DIP2C: variants seen among roughly 807,000 people sequenced by gnomAD.
The protein encoded by DIP2C is disco-interacting protein 2 homolog C.
DIP2C carries 33 observed loss-of-function variants against 192.4 expected under a neutral mutation model. That is an observed-to-expected ratio of 0.17 (90% CI 0.13 to 0.23). The LOEUF (loss-of-function observed/expected upper bound fraction) is 0.23. Ranked by LOEUF, DIP2C falls within the 10% of genes least tolerant of loss-of-function variation. DIP2C has a pLI of 1.00. For missense variants in DIP2C, 1,537 were observed against 2,110.1 expected (o/e 0.73, Z 5.32); for synonymous variants, 979 against 864.1 (o/e 1.13, Z -2.33).
In DIP2C at chr10:276,991, G is replaced by T; in HGVS notation, c.*334C>A. ...AGGATATTTTTTTAATTGCTATTTC[G>T]GCTTAACAAAATACCACATTTACGA... On this transcript the variant is annotated 3_prime_UTR_variant, in exon 37 of 37. Transcript: ENST00000280886. The T allele has an allele frequency of 4.5e-6, 1 of 224,066 alleles. No individual in the cohort carries two copies. The allele number at this position is 224,066 out of a possible 1,614,324, so 13.9% of individuals were successfully genotyped here.
At chr10:535,955 C>A (rs965684150) in intron 1 of DIP2C, among the ~76,000 whole-genome samples, 1 of 152,210 alleles carries the variant, frequency 6.6e-6, no homozygotes, top group African/African-American at 2.4e-5. Context: ...CGTAAGCTTC[C>A]ATCCTGAGGC....
At chr10:410,293 G>T (rs527690751) in intron 8 of DIP2C, among the ~76,000 whole-genome samples, 1 of 152,158 alleles carries the variant, frequency 6.6e-6, no homozygotes, top group Admixed American at 6.5e-5. Context: ...TACTGATGTC[G>T]CAGGCAAGCT....
At chr10:380,159 GC>G (rs1962217723) in intron 17 of DIP2C, among the ~76,000 whole-genome samples, 1 of 127,356 alleles carries the variant, frequency 7.9e-6, no homozygotes, top group Admixed American at 7.9e-5. Context: ...GATGGTTAAC[GC>G]ACAGAAGAGG....
chr10:619,541 G>GCCCACCCGCCCACCCGCCCACCCTCCCA, intron 1 of DIP2C, among the ~76,000 whole-genome samples: 2 of 67,962 alleles, frequency 2.9e-5, no homozygotes, highest in African/African-American at 6.9e-5. Context: ...CCGCCCGCCC[G>GCCCACCCGCCCACCCGCCCACCCTCCCA]CCCTCCCACC....
chr10:518,979 T>C (rs918334456), intron 1 of DIP2C, among the ~76,000 whole-genome samples: 4 of 152,244 alleles, frequency 2.6e-5, no homozygotes, highest in African/African-American at 7.2e-5. Flanking sequence ...GCTCTGCATC[T>C]GCACTGGGTC....
intron 8 of DIP2C, among the ~76,000 whole-genome samples, chr10:412,843 G>C (rs1007105261): frequency 3.9e-5 from 6 of 152,198 alleles, no homozygotes; most frequent in African/African-American, 1.4e-4. Context: ...ACAACAGGCG[G>C]AACTATGTAC....
At chr10:373,940 G>A (rs537277087) in intron 17 of DIP2C, among the ~76,000 whole-genome samples, 12 of 152,166 alleles carry the variant, frequency 7.9e-5, no homozygotes, top group Non-Finnish European at 1.5e-4. Context: ...CTCCATACTC[G>A]CAATAGCCCC....
intron 28 of DIP2C, among the ~76,000 whole-genome samples, chr10:341,964 C>T (rs752621348): frequency 6.6e-6 from 1 of 152,158 alleles, no homozygotes; most frequent in African/African-American, 2.4e-5. Flanking sequence ...TTAGGACTGG[C>T]GACAACTGTC....
chr10:576,680 G>A (rs982574499), intron 1 of DIP2C, among the ~76,000 whole-genome samples: 1 of 152,198 alleles, frequency 6.6e-6, no homozygotes, highest in Non-Finnish European at 1.5e-5. Flanking sequence ...AAGGTGAGGT[G>A]GGTGATCACT....
chr10:344,486 G>A (rs554960353), intron 28 of DIP2C, among the ~76,000 whole-genome samples: 4 of 152,284 alleles, frequency 2.6e-5, no homozygotes, highest in Admixed American at 6.5e-5. Flanking sequence ...AGGTTAAAAC[G>A]CTAGAAAGTG....
intron 2 of DIP2C, among the ~76,000 whole-genome samples, chr10:474,414 A>T (rs1210397936): frequency 2.0e-5 from 3 of 152,206 alleles, no homozygotes; most frequent in African/African-American, 7.2e-5. Flanking sequence ...AGCAGAACTG[A>T]AAAACTCTTT....
intron 2 of DIP2C, among the ~76,000 whole-genome samples, chr10:485,598 C>T (rs1021122347): frequency 6.6e-5 from 10 of 152,302 alleles, no homozygotes; most frequent in Admixed American, 5.9e-4. Context: ...GGAAACTTTC[C>T]TTACTGAGTC....
chr10:491,486 CA>C (rs1250010142), intron 1 of DIP2C, among the ~76,000 whole-genome samples: 1 of 152,168 alleles, frequency 6.6e-6, no homozygotes, highest in Admixed American at 6.5e-5. Context: ...CTTCGTTCTC[CA>C]GCAGGCGCTG....
chr10:543,313 A>T (rs1253313784), intron 1 of DIP2C, among the ~76,000 whole-genome samples: 5 of 152,250 alleles, frequency 3.3e-5, no homozygotes, highest in African/African-American at 1.2e-4. Flanking sequence ...CACTGATTTC[A>T]GTAGCGAGAA....
At chr10:443,298 C>T (rs1589807121) in intron 3 of DIP2C, among the ~76,000 whole-genome samples, 1 of 152,180 alleles carries the variant, frequency 6.6e-6, no homozygotes, top group South Asian at 2.1e-4. Context: ...AAAATATTTA[C>T]TCATTTTATC....
rs1960705657 is a variant in DIP2C at position 369,537 on chromosome 10, C to G, written c.2088G>C (p.Leu696=). 6.3e-7 allele frequency: 1 copy of G among 1,582,610 alleles called. No individual in the cohort carries two copies. Among genetic ancestry groups the G allele is most frequent in the African/African-American group, 1.3e-5 (1 of 74,532 alleles). ...GVIRVDSEEK[L]SVLTVQDVGL... ...CGACATCCTGCACGGTGAGCACGGACAGCTTCTCTTCCGAGTCCACACGAA... is the reference window on the plus strand; with the variant it reads ...CGACATCCTGCACGGTGAGCACGGAGAGCTTCTCTTCCGAGTCCACACGAA... The change falls in exon 18 of 37, where the codon CTG becomes CTC. Residue 696 remains leucine, a synonymous_variant. Transcript: ENST00000280886.
chr10:376,408 C>T (rs894748108), intron 17 of DIP2C, among the ~76,000 whole-genome samples: 2 of 150,838 alleles, frequency 1.3e-5, no homozygotes, highest in African/African-American at 4.8e-5. Flanking sequence ...CCTGTGCTGG[C>T]GTCGAAGCAC....
At chr10:453,705 G>A (rs565926224) in intron 3 of DIP2C, among the ~76,000 whole-genome samples, 8 of 152,324 alleles carry the variant, frequency 5.3e-5, no homozygotes, top group Admixed American at 2.0e-4. Context: ...CATAAATACT[G>A]AATGAGAAAG....
intron 9 of DIP2C, among the ~76,000 whole-genome samples, chr10:405,610 A>G (rs1964746364): frequency 6.6e-6 from 1 of 152,212 alleles, no homozygotes; most frequent in East Asian, 1.9e-4. Context: ...TGCTACCTCC[A>G]TAGTGATCCC....
Sources: gnomAD v4.1 joint callset for allele counts (sites outside exome capture counted in the v4.1 genomes callset) on GRCh38, gnomAD v4.1.1 for gene constraint, MANE v1.5 for transcripts, NCBI Gene and HGNC (gene_info 2026-07-23, HGNC 2026-07-21) for gene names.